Variants in SPTBN4 observed in about 807,000 individuals in gnomAD.
The protein encoded by SPTBN4 is spectrin beta chain, non-erythrocytic 4.
In SPTBN4, 96 loss-of-function variants were observed where a neutral mutation model predicts 277.8. The observed-to-expected ratio is 0.35, with a 90% CI of 0.29 to 0.41. The LOEUF (loss-of-function observed/expected upper bound fraction) is 0.41. Among genes scored for constraint, SPTBN4 ranks in the 10% least tolerant of loss-of-function variants. The pLI is 1.00. For synonymous variants in SPTBN4, 1,481 were observed against 1,580.3 expected, an observed-to-expected ratio of 0.94 and a Z score of 1.49; for missense variants, 3,006 against 3,595.7, an observed-to-expected ratio of 0.84 and a Z score of 4.19.
chr19:40,575,386 C>T, intron 35 of SPTBN4, 25 bp from the exon 36 acceptor site: 1 of 1,607,018 alleles, frequency 6.2e-7, no homozygotes, highest in Non-Finnish European at 8.5e-7. Context: ...CAAATACGGC[C>T]TCTGTGCCCT....
chr19:40,474,167 A>C, intron 2 of SPTBN4, among the ~76,000 whole-genome samples: 1 of 149,860 alleles, frequency 6.7e-6, no homozygotes, highest in Non-Finnish European at 1.5e-5. Context: ...AAAAAAAAAA[A>C]AAAAAAAAAA....
At chr19:40,551,735 T>C (rs1466434425) in intron 22 of SPTBN4, among the ~76,000 whole-genome samples, 1 of 152,232 alleles carries the variant, frequency 6.6e-6, no homozygotes. Flanking sequence ...GGCTCATGCC[T>C]GTAATCCCAG....
At chr19:40,561,559 C>A (rs147132748) in intron 27 of SPTBN4, among the ~76,000 whole-genome samples, 1 of 152,154 alleles carries the variant, frequency 6.6e-6, no homozygotes, top group African/African-American at 2.4e-5. Context: ...CAGTGGCTCA[C>A]GCCTGTAATC....
chr19:40,520,020 C>T lies in SPTBN4; in HGVS notation c.3523C>T (p.Pro1175Ser). Residue 1175 changes from proline (P) to serine (S), a missense_variant, in exon 16 of 36, where the codon CCA becomes TCA. Transcript: ENST00000598249. ...GGGCCTGGCACTAGACGAGTGGCTG[C>T]CACACCTCGAACTTGGCTGGCATAA... ...GPGLALDEWL[P>S]HLELGWHKLL... 3.2e-6 allele frequency: 5 copies of T among 1,562,404 alleles called. No individual in the cohort carries two copies. The highest frequency in any genetic ancestry group is 4.3e-6 in the Non-Finnish European group (5 of 1,158,074).
At chr19:40,550,133 T>C in intron 21 of SPTBN4, 105 bp from the exon 22 acceptor site, 2 of 879,128 alleles carry the variant, frequency 2.3e-6, no homozygotes, top group Non-Finnish European at 3.5e-6. Flanking sequence ...ACTGGGCTCT[T>C]AGGCAAGGAA....
Position 40,515,990 on chromosome 19 carries a change from TAC to T in SPTBN4, c.2903+546_2903+547del, listed in dbSNP as rs780244930. Among the ~76,000 whole-genome samples, 7 of 148,464 alleles carry T rather than the reference TAC, an allele frequency of 4.7e-5. No individual in the cohort carries two copies. The highest frequency in any genetic ancestry group is 8.9e-5 in the Non-Finnish European group (6 of 67,342). The stretch of plus-strand genomic sequence containing the variant: ...ATATATACACATATATACGTATATA[TAC>T]ACATATATACGTATATATACACACA... On this transcript the variant is annotated intron_variant, in intron 15 of 35. Transcript: ENST00000598249. This position sits in a 1 kb window ranked among gnomAD's most constrained non-coding sequence, Gnocchi z 4.1.
At chr19:40,469,824 A>G (rs892564810) in intron 1 of SPTBN4, among the ~76,000 whole-genome samples, 1 of 150,396 alleles carries the variant, frequency 6.6e-6, no homozygotes, top group African/African-American at 2.5e-5. Flanking sequence ...TTATATTTTT[A>G]GTAGAGGCGG....
chr19:40,515,069 C>T lies in SPTBN4; in HGVS notation c.2766-242C>T, dbSNP rs997352211. Among the ~76,000 whole-genome samples, 1 of 152,124 alleles carries T rather than the reference C, an allele frequency of 6.6e-6. No homozygotes were observed. Among genetic ancestry groups the T allele is most frequent in the Non-Finnish European group, 1.5e-5 (1 of 68,028 alleles). The stretch of plus-strand genomic sequence containing the variant: ...GCAGTGAGCCACAATCGCGCCACTG[C>T]ACTCCAGCCTGGGTGACAGAGCGAG... On this transcript the variant is annotated intron_variant, in intron 14 of 35. Transcript: ENST00000598249. The surrounding 1 kb of genome is among the most constrained non-coding windows in gnomAD (Gnocchi z 4.1).
chr19:40,523,240 C>T (rs919015720), intron 16 of SPTBN4, among the ~76,000 whole-genome samples, 197 bp from the exon 17 acceptor site: 1 of 152,146 alleles, frequency 6.6e-6, no homozygotes, highest in African/African-American at 2.4e-5. Context: ...AGTGAAGGAG[C>T]CAGCCATGGG....
chr19:40,561,777 G>A (rs1449471741), intron 27 of SPTBN4, among the ~76,000 whole-genome samples: 2 of 150,530 alleles, frequency 1.3e-5, no homozygotes, highest in Non-Finnish European at 1.5e-5. Context: ...AGCCAAGATC[G>A]TGCCACTGCA....
chr19:40,561,334 T>C (rs1354506938), intron 27 of SPTBN4, among the ~76,000 whole-genome samples: 5 of 152,144 alleles, frequency 3.3e-5, no homozygotes, highest in African/African-American at 7.2e-5. Flanking sequence ...TTTAGTTTCA[T>C]GGTGTGGCTA....
chr19:40,571,933 G>A, intron 33 of SPTBN4, 86 bp from the exon 34 acceptor site: 3 of 1,439,258 alleles, frequency 2.1e-6, no homozygotes, highest in Non-Finnish European at 2.8e-6. Context: ...GGAAGGCTCA[G>A]ACATATTCAG....
chr19:40,506,738 G>C (rs991038442), intron 13 of SPTBN4, among the ~76,000 whole-genome samples: 2 of 152,106 alleles, frequency 1.3e-5, no homozygotes, highest in African/African-American at 4.8e-5. Context: ...AGCCCTTTTG[G>C]AGGCCGAGGC....
chr19:40,486,668 T>C (rs576970283), intron 2 of SPTBN4, among the ~76,000 whole-genome samples: 15 of 149,948 alleles, frequency 1.0e-4, no homozygotes, highest in African/African-American at 3.7e-4. Context: ...CCACCATGCC[T>C]GGCCTATGGT....
chr19:40,550,209 C>A (rs1401906582), intron 21 of SPTBN4, 29 bp from the exon 22 acceptor site: 1 of 1,607,836 alleles, frequency 6.2e-7, no homozygotes, highest in East Asian at 2.2e-5. Context: ...TGCATTCTCC[C>A]CTTGACCTGC....
At chr19:40,559,933 A>T (rs2081024337) in intron 26 of SPTBN4, among the ~76,000 whole-genome samples, 2 of 152,264 alleles carry the variant, frequency 1.3e-5, no homozygotes, top group African/African-American at 4.8e-5. Flanking sequence ...TCAGACCAAA[A>T]GAAATCAGGC....
At position 40,554,685 on chromosome 19, in the gene SPTBN4, C is replaced by G. The variant is rs781451561; in HGVS notation, c.5084+39C>G. On this transcript the variant is annotated intron_variant, in intron 24 of 35. Transcript: ENST00000598249. The surrounding 1 kb of genome is among the most constrained non-coding windows in gnomAD (Gnocchi z 5.7). The stretch of plus-strand genomic sequence containing the variant: ...TGGCCAGTTCACAGGAATGGTCCAG[C>G]AGGACCTGAAGCTTCGCTGTTGGGA... The G allele has an allele frequency of 1.9e-6, 3 of 1,588,952 alleles. No homozygotes were observed. The highest frequency in any genetic ancestry group is 2.6e-6 in the Non-Finnish European group (3 of 1,168,760).
At chr19:40,497,094 A>AAG (rs1373125339) in intron 6 of SPTBN4, among the ~76,000 whole-genome samples, 1 of 151,178 alleles carries the variant, frequency 6.6e-6, no homozygotes, top group Non-Finnish European at 1.5e-5. Flanking sequence ...AAAAAAAAAA[A>AAG]AGAGGTACAT....
At chr19:40,532,810 A>C in intron 19 of SPTBN4, 39 bp downstream of exon 19, 1 of 1,579,324 alleles carries the variant, frequency 6.3e-7, no homozygotes, top group Non-Finnish European at 8.6e-7. Context: ...TGCCAGGTGC[A>C]GGAGGCCTCC....
Sources: gnomAD v4.1 joint callset for allele counts (sites outside exome capture counted in the v4.1 genomes callset) on GRCh38, gnomAD v4.1.1 for gene constraint, Gnocchi (gnomAD v3.1) non-coding constraint, MANE v1.5 for transcripts, NCBI Gene and HGNC (gene_info 2026-07-23, HGNC 2026-07-21) for gene names.